FGF13: variants seen among roughly 807,000 people sequenced by gnomAD.
FGF13 encodes fibroblast growth factor homologous factor 2.
In FGF13, 2 loss-of-function variants were observed where a neutral mutation model predicts 19.5. The observed-to-expected ratio is 0.10, with a 90% CI of 0.04 to 0.32. The LOEUF (loss-of-function observed/expected upper bound fraction) is 0.32. Among genes scored for constraint, FGF13 ranks in the 10% least tolerant of loss-of-function variants. The probability of loss-of-function intolerance (pLI) is 1.00; values close to 1 mark genes in which losing one functional copy is unlikely to be tolerated. For synonymous variants in FGF13, 72 were observed against 76.9 expected, an observed-to-expected ratio of 0.94 and a Z score of 0.33; for missense variants, 113 against 192.7, an observed-to-expected ratio of 0.59 and a Z score of 2.45.
At chrX:138,773,707 T>A (rs1334527974) in intron 3 of FGF13, among the ~76,000 whole-genome samples, 1 of 112,179 alleles carries the variant, frequency 8.9e-6, no homozygotes, top group African/African-American at 3.2e-5. Context: ...TAATTTATGA[T>A]TAAAAAATTT....
At chrX:138,952,334 T>C (rs1169709660) in intron 1 of FGF13, among the ~76,000 whole-genome samples, 7 of 111,956 alleles carry the variant, frequency 6.3e-5, no homozygotes, top group Non-Finnish European at 1.3e-4. Context: ...GGGAAATGAT[T>C]CCCTATTTAA....
rs1486471678 is a variant in FGF13, at chrX:138,818,978, A to G, written c.217+38534T>C. On this transcript the variant is annotated intron_variant, in intron 3 of 6. Transcript: ENST00000436198. ...ACTTGGGCAAGTCATTCAGCCTCTT[A>G]ACAGGTGACTTCTCTGGCCTCTCCC... is the stretch of plus-strand genomic sequence containing the variant. Among the ~76,000 whole-genome samples, 3 of 111,582 alleles carry G rather than the reference A, an allele frequency of 2.7e-5. No homozygotes were observed. The East Asian group carries it at 8.5e-4, about 32-fold the overall frequency.
chrX:138,808,603 G>A (rs2090892442), intron 3 of FGF13, among the ~76,000 whole-genome samples: 1 of 111,318 alleles, frequency 9.0e-6, no homozygotes, highest in Non-Finnish European at 1.9e-5. Flanking sequence ...GAGCAGAACT[G>A]AAGGAGATAG....
chrX:139,082,080 C>G (rs1489114514), intron 1 of FGF13, among the ~76,000 whole-genome samples: 1 of 111,461 alleles, frequency 9.0e-6, no homozygotes, highest in Admixed American at 9.6e-5. Context: ...GGTTATTCCT[C>G]TGACCTCATT....
chrX:138,923,593 C>T (rs1345732071), intron 1 of FGF13, among the ~76,000 whole-genome samples: 1 of 111,283 alleles, frequency 9.0e-6, no homozygotes. Context: ...CTTGTTGCCG[C>T]CCATTTGACT....
intron 3 of FGF13, among the ~76,000 whole-genome samples, chrX:138,671,558 G>A (rs1469185433): frequency 1.8e-5 from 2 of 111,100 alleles, no homozygotes; most frequent in South Asian, 3.8e-4. Flanking sequence ...CCAGGTACTC[G>A]GGAAAGATCA....
In FGF13 at chrX:138,628,521, G is replaced by T. The variant is rs1165529564; in HGVS notation, c.*4329C>A. 1 of 112,164 alleles carries T rather than the reference G, an allele frequency of 8.9e-6. No individual in the cohort carries two copies. The highest frequency in any genetic ancestry group is 1.9e-5 in the Non-Finnish European group (1 of 53,251). 9.2% of individuals were successfully genotyped at this position (112,164 alleles called of 1,213,427 possible). On this transcript the variant is annotated 3_prime_UTR_variant, in exon 5 of 5. Coordinates refer to ENST00000315930, the MANE Select transcript of FGF13 (RefSeq NM_004114.5). ...AGAGATTGTTAAAGACTCTGCCAGTGAAGGCACATTTCAATTTTACCCATG... is the reference window on the plus strand; with the variant it reads ...AGAGATTGTTAAAGACTCTGCCAGTTAAGGCACATTTCAATTTTACCCATG...
intron 1 of FGF13, among the ~76,000 whole-genome samples, chrX:138,894,191 C>T (rs764709377): frequency 2.7e-5 from 3 of 109,935 alleles, no homozygotes; most frequent in South Asian, 4.1e-4. Flanking sequence ...TCGGGGGATT[C>T]GGAGGAAAGA....
At chrX:138,812,762 T>TG (rs1240902142) in intron 3 of FGF13, among the ~76,000 whole-genome samples, 3 of 111,747 alleles carry the variant, frequency 2.7e-5, no homozygotes, top group Non-Finnish European at 3.8e-5. Flanking sequence ...GTGCAGAACG[T>TG]GCGGGTTTCC....
intron 1 of FGF13, among the ~76,000 whole-genome samples, chrX:139,059,706 T>A (rs1281235942): frequency 1.8e-5 from 2 of 112,537 alleles, no homozygotes; most frequent in Non-Finnish European, 3.8e-5. Context: ...TCCAGATTCA[T>A]TTTTGTAGAA....
intron 3 of FGF13, among the ~76,000 whole-genome samples, chrX:138,794,348 C>G (rs1297841976): frequency 8.9e-6 from 1 of 111,752 alleles, no homozygotes; most frequent in African/African-American, 3.3e-5. Flanking sequence ...GTTGCCATCA[C>G]AGCTAATAGG....
intron 2 of FGF13, among the ~76,000 whole-genome samples, chrX:138,862,373 C>G (rs1272525213): frequency 8.9e-6 from 1 of 111,941 alleles, no homozygotes; most frequent in Non-Finnish European, 1.9e-5. Context: ...CTGAGATCAC[C>G]AAGGCCACAG....
chrX:138,852,650 G>T (rs2091230275), downstream of FGF13, among the ~76,000 whole-genome samples: 3 of 111,972 alleles, frequency 2.7e-5, no homozygotes, highest in South Asian at 1.1e-3. Flanking sequence ...CATGGGCAAA[G>T]ATTCCATAAT....
At chrX:138,875,231 C>CAAAAAAAAAAAAAAAAAAA (rs748124343) in intron 1 of FGF13, among the ~76,000 whole-genome samples, 1 of 39,843 alleles carries the variant, frequency 2.5e-5, no homozygotes, top group African/African-American at 8.5e-5. Context: ...GACTCTGTCT[C>CAAAAAAAAAAAAAAAAAAA]AAAAAAAAAA....
At chrX:139,131,738 A>C (rs1164486844) in intron 1 of FGF13, among the ~76,000 whole-genome samples, 1 of 111,345 alleles carries the variant, frequency 9.0e-6, no homozygotes, top group Non-Finnish European at 1.9e-5. Context: ...CCCTGTCTCA[A>C]AAAATAAAAA....
chrX:139,204,284 G>A (rs916988841), upstream of FGF13: 5 of 437,604 alleles, frequency 1.1e-5, no homozygotes, highest in African/African-American at 1.0e-4. Context: ...ACGAGAGAGT[G>A]GGGAGGAAAG....
chrX:138,807,732 T>C (rs916469922), intron 3 of FGF13, among the ~76,000 whole-genome samples: 1 of 110,351 alleles, frequency 9.1e-6, no homozygotes, highest in Non-Finnish European at 1.9e-5. Context: ...AGGCTCAAAA[T>C]AAAAGGATGG....
chrX:139,195,482 G>C lies in FGF13; in HGVS notation c.-113+7934C>G, dbSNP rs1003410088. On this transcript the variant is annotated intron_variant, in intron 1 of 2. Transcript: ENST00000421460. ...AAGTGCACTCAGCCTGTCTTCTTTA[G>C]GTTGTTTACTTCTACTTTTAAGAGC... Among the ~76,000 whole-genome samples, 4 of 112,400 alleles carry C rather than the reference G, an allele frequency of 3.6e-5. 1 individual carries two copies. Among genetic ancestry groups the C allele is most frequent in the Non-Finnish European group, 7.5e-5 (4 of 53,301 alleles).
intron 3 of FGF13, among the ~76,000 whole-genome samples, chrX:138,746,646 G>A (rs1027499978): frequency 1.8e-5 from 2 of 112,088 alleles, no homozygotes; most frequent in African/African-American, 6.5e-5. Flanking sequence ...GGAGTCCTGT[G>A]CTCTTCTGCT....
Sources: gnomAD v4.1 joint callset for allele counts (sites outside exome capture counted in the v4.1 genomes callset) on GRCh38, gnomAD v4.1.1 for gene constraint, MANE v1.5 for transcripts, NCBI Gene and HGNC (gene_info 2026-07-23, HGNC 2026-07-21) for gene names.